Variants in COL23A1 observed in about 807,000 individuals in gnomAD.
COL23A1 encodes the protein collagen alpha-1(XXIII) chain.
In COL23A1, 97 loss-of-function variants were observed where a neutral mutation model predicts 99.3. The observed-to-expected ratio is 0.98, with a 90% confidence interval of 0.83 to 1.16. The LOEUF is 1.16. Ranked by LOEUF, COL23A1 falls within the 50% of genes most tolerant of loss-of-function variation. The pLI is 0.00. For synonymous variants in COL23A1, 320 were observed against 308.2 expected (o/e 1.04, Z -0.40); for missense variants, 762 against 757.4 (o/e 1.01, Z -0.07).
chr5:178,266,378 T>C (rs958003606), intron 8 of COL23A1, among the ~76,000 whole-genome samples: 2 of 151,894 alleles, frequency 1.3e-5, no homozygotes, highest in African/African-American at 2.4e-5. Flanking sequence ...TGTGTGTGTG[T>C]GCGCATATGT....
chr5:178,512,031 T>C (rs555504536), intron 2 of COL23A1, among the ~76,000 whole-genome samples: 1 of 152,232 alleles, frequency 6.6e-6, no homozygotes, highest in African/African-American at 2.4e-5. Context: ...TTCAGAAACC[T>C]GAGTGTCATT....
intron 2 of COL23A1, among the ~76,000 whole-genome samples, chr5:178,513,839 T>G (rs1759352644): frequency 6.7e-6 from 1 of 148,974 alleles, no homozygotes; most frequent in Non-Finnish European, 1.5e-5. Flanking sequence ...CCTGCCTAAC[T>G]TTTTCCATCA....
At chr5:178,257,022 G>T (rs904236000) in intron 13 of COL23A1, 94 bp from the exon 14 acceptor site, 3 of 1,093,552 alleles carry the variant, frequency 2.7e-6, no homozygotes, top group South Asian at 1.4e-5. Flanking sequence ...CTGAAGCCTC[G>T]CGATTAGGCC....
intron 3 of COL23A1, among the ~76,000 whole-genome samples, chr5:178,305,744 G>A (rs1050341371): frequency 6.6e-6 from 1 of 152,132 alleles, no homozygotes; most frequent in Non-Finnish European, 1.5e-5. Context: ...GCTGGAGGTG[G>A]GGACATGGCG....
intron 2 of COL23A1, among the ~76,000 whole-genome samples, chr5:178,532,351 C>T (rs1760694390): frequency 6.6e-6 from 1 of 152,264 alleles, no homozygotes; most frequent in South Asian, 2.1e-4. Flanking sequence ...TTTTTAGGAG[C>T]AGCCTTAAGA....
At chr5:178,379,195 AAAAC>A (rs1317714532) in intron 2 of COL23A1, among the ~76,000 whole-genome samples, 6 of 152,260 alleles carry the variant, frequency 3.9e-5, no homozygotes, top group South Asian at 4.1e-4. Context: ...ACAATTAAAA[AAAAC>A]AAACAAACCA....
chr5:178,459,752 A>T (rs1756013370), intron 2 of COL23A1, among the ~76,000 whole-genome samples: 1 of 152,186 alleles, frequency 6.6e-6, no homozygotes, highest in South Asian at 2.1e-4. Context: ...ACAAAGCAAG[A>T]TGCTGTCTCA....
At chr5:178,333,310 C>A (rs1760140091) in intron 2 of COL23A1, among the ~76,000 whole-genome samples, 1 of 152,198 alleles carries the variant, frequency 6.6e-6, no homozygotes, top group African/African-American at 2.4e-5. Context: ...AAGGTCAGCA[C>A]CTTCCAAGTC....
chr5:178,310,981 C>T lies in COL23A1; in HGVS notation c.362-4062G>A, dbSNP rs1561849763. Among the ~76,000 whole-genome samples, 1 of 152,100 alleles carries T rather than the reference C, an allele frequency of 6.6e-6. No individual in the cohort carries two copies. Among genetic ancestry groups the T allele is most frequent in the Non-Finnish European group, 1.5e-5 (1 of 68,036 alleles). On this transcript the variant is annotated intron_variant, in intron 2 of 28. Coordinates refer to ENST00000390654, the MANE Select transcript of COL23A1 (RefSeq NM_173465.4). The surrounding 1 kb of genome is among the most constrained non-coding windows in gnomAD (Gnocchi z 4.3). ...GAAACTGAGGCTGCAAGGGATAGGA[C>T]AGGTCTTGCCCACGGATGCTGCTGG...
intron 2 of COL23A1, among the ~76,000 whole-genome samples, chr5:178,421,270 C>A (rs115842060): frequency 6.6e-6 from 1 of 152,286 alleles, no homozygotes; most frequent in East Asian, 1.9e-4. Flanking sequence ...AAGAGCAACA[C>A]GTAACTGGGC....
chr5:178,391,406 C>T (rs4615316), intron 2 of COL23A1, among the ~76,000 whole-genome samples: 46,789 of 152,118 alleles, frequency 0.31, 7,843 homozygotes, highest in South Asian at 0.46. Flanking sequence ...AATAAAAAGA[C>T]AAATAGGCAG....
Position 178,537,853 on chromosome 5 carries a change from T to G in COL23A1, c.361+22829A>C, listed in dbSNP as rs535767579. Among the ~76,000 whole-genome samples the G allele has an allele frequency of 2.0e-5, 3 of 152,330 alleles. No individual in the cohort carries two copies. The East Asian group carries it at 5.8e-4, about 29-fold the overall frequency. On this transcript the variant is annotated intron_variant, in intron 2 of 28. Coordinates refer to ENST00000390654, the MANE Select transcript of COL23A1 (RefSeq NM_173465.4). ...TCAGTGGCGGTAAGTACATTCACACTGTCGTGCCACCATCACCACGTCCGC... is the reference window on the plus strand; with the variant it reads ...TCAGTGGCGGTAAGTACATTCACACGGTCGTGCCACCATCACCACGTCCGC...
chr5:178,497,709 T>TA (rs1414629806), intron 2 of COL23A1, among the ~76,000 whole-genome samples: 1 of 152,106 alleles, frequency 6.6e-6, no homozygotes, highest in African/African-American at 2.4e-5. Context: ...ACACAAAAAG[T>TA]ATAATGGTTG....
intron 2 of COL23A1, chr5:178,378,343 C>G (rs138100889): frequency 6.6e-6 from 1 of 151,348 alleles, no homozygotes; most frequent in Non-Finnish European, 1.5e-5. Flanking sequence ...TCCTGCACCC[C>G]CTGAGGACTG....
At chr5:178,565,841 G>A (rs981208990) in intron 1 of COL23A1, among the ~76,000 whole-genome samples, 16 of 151,656 alleles carry the variant, frequency 1.1e-4, no homozygotes, top group Admixed American at 6.6e-4. Flanking sequence ...GGCCGGGCGC[G>A]GTGGCTCACA....
intron 14 of COL23A1, 65 bp from the exon 15 acceptor site, chr5:178,256,462 C>T: frequency 6.8e-7 from 1 of 1,469,042 alleles, no homozygotes; most frequent in South Asian, 1.3e-5. Flanking sequence ...TCCCACGACC[C>T]TGCCCCCAGT....
chr5:178,406,083 A>G (rs62389401), intron 2 of COL23A1, among the ~76,000 whole-genome samples: 25,714 of 152,276 alleles, frequency 0.17, 2,434 homozygotes, highest in Middle Eastern at 0.27. Context: ...AGCCTGGGCA[A>G]CAGAGTGAGA....
At chr5:178,467,353 C>G (rs948796011) in intron 2 of COL23A1, among the ~76,000 whole-genome samples, 2 of 152,204 alleles carry the variant, frequency 1.3e-5, no homozygotes, top group Non-Finnish European at 2.9e-5. Flanking sequence ...CCAGCAGCCT[C>G]TAAGTGACAA....
rs749496453 is a variant in COL23A1, at chr5:178,249,151, C to G, written c.1115G>C (p.Gly372Ala). ...GGACAAGCCCATCTCGCCTGCTTCC[C>G]CTTTGAGTCCTGCTGGCCCAGGCTC... Reference protein sequence around the residue: ...PGEPGPAGLKGEAGEMGLSGL... With the variant: ...PGEPGPAGLKAEAGEMGLSGL... The change falls in exon 19 of 29, where the codon GGG (glycine) becomes GCG (alanine). Residue 372 changes from glycine (G) to alanine (A), a missense_variant. Gly to Ala is a moderately conservative substitution (Grantham distance 60). Coordinates refer to ENST00000390654, the MANE Select transcript of COL23A1 (RefSeq NM_173465.4). 1.9e-6 allele frequency: 3 copies of G among 1,614,180 alleles called. No individual in the cohort carries two copies. In the East Asian group the frequency reaches 6.7e-5, roughly 36 times the overall value.
Sources: allele counts gnomAD v4.1 joint callset (sites outside exome capture counted in the v4.1 genomes callset), GRCh38; gene constraint gnomAD v4.1.1; non-coding constraint Gnocchi (gnomAD v3.1); transcripts MANE v1.5; gene names NCBI Gene and HGNC (gene_info 2026-07-23, HGNC 2026-07-21).